NME7: variants seen among roughly 807,000 people sequenced by gnomAD.
NME7 encodes NME/NM23 family member 7.
In NME7, 41 loss-of-function variants were observed where a neutral mutation model predicts 49.1. The observed-to-expected ratio is 0.83, with a 90% CI of 0.65 to 1.08. The LOEUF is 1.08. Ranked by LOEUF, NME7 falls within the 50% of genes least tolerant of loss-of-function variation. NME7 has a pLI of 0.00. For missense variants in NME7, 423 were observed against 463.4 expected (o/e 0.91, Z 0.80); for synonymous variants, 139 against 150.6 (o/e 0.92, Z 0.56).
chr1:169,317,955 G>T (rs971109007), intron 3 of NME7, among the ~76,000 whole-genome samples: 2 of 152,154 alleles, frequency 1.3e-5, no homozygotes, highest in African/African-American at 4.8e-5. Flanking sequence ...AGACCCTCAA[G>T]TAGGGGATAG....
chr1:169,287,313 A>T lies in NME7; in HGVS notation c.744T>A (p.Ala248=), dbSNP rs1322704363. ...GTGTATTCAACATACCTTCACTGACAGCATGGGGTTTAACAATGCAACAGG... is the reference window on the plus strand; with the variant it reads ...GTGTATTCAACATACCTTCACTGACTGCATGGGGTTTAACAATGCAACAGG... ...NCTCCIVKPH[A]VSEGLLGKIL... The change falls in exon 7 of 12, where the codon GCT becomes GCA. Residue 248 remains alanine, a synonymous_variant. Transcript: ENST00000367811. The T allele has an allele frequency of 2.5e-6, 4 of 1,611,188 alleles. No homozygotes were observed. The highest frequency in any genetic ancestry group is 3.4e-6 in the Non-Finnish European group (4 of 1,178,074).
At chr1:169,257,884 GT>G (rs1649020560) in intron 7 of NME7, among the ~76,000 whole-genome samples, 1 of 133,696 alleles carries the variant, frequency 7.5e-6, no homozygotes, top group Admixed American at 7.3e-5. Context: ...GGCTTAAAAG[GT>G]TTCTGCTGAG....
At chr1:169,224,231 T>C (rs976521935) in intron 10 of NME7, among the ~76,000 whole-genome samples, 5 of 152,148 alleles carry the variant, frequency 3.3e-5, no homozygotes, top group African/African-American at 1.2e-4. Flanking sequence ...CAAGTGTGAA[T>C]GCTCTCTTCA....
At chr1:169,181,010 C>T (rs1361101037) in intron 10 of NME7, among the ~76,000 whole-genome samples, 1 of 152,056 alleles carries the variant, frequency 6.6e-6, no homozygotes, top group Non-Finnish European at 1.5e-5. Flanking sequence ...AGGGCTGAGC[C>T]AAGACTAATA....
chr1:169,337,419 G>T (rs1571400745), intron 1 of NME7, among the ~76,000 whole-genome samples: 1 of 152,176 alleles, frequency 6.6e-6, no homozygotes, highest in Non-Finnish European at 1.5e-5. Flanking sequence ...CAGCTGGCCC[G>T]CAAGCGCCGC....
At position 169,238,018 on chromosome 1, in the gene NME7, C is replaced by T. The variant is rs116051540; in HGVS notation, c.755-331G>A. ...CAATTATAAATGGCATTATTTAATA[C>T]AAAGAAACGAAATGCCAAAGTACCA... On this transcript the variant is annotated intron_variant, in intron 7 of 11. Coordinates refer to ENST00000367811, the MANE Select transcript of NME7 (RefSeq NM_013330.5). 3.9e-3 allele frequency among the ~76,000 whole-genome samples: 596 copies of T among 151,902 alleles called. 7 individuals are homozygous for T. Among genetic ancestry groups the T allele is most frequent in the Middle Eastern group, 0.017 (5 of 294 alleles).
intron 11 of NME7, among the ~76,000 whole-genome samples, chr1:169,141,709 TAG>T (rs1355260717): frequency 6.6e-6 from 1 of 152,082 alleles, no homozygotes; most frequent in Non-Finnish European, 1.5e-5. Flanking sequence ...ACAAAAATAA[TAG>T]AGTTAGAAAA....
intron 5 of NME7, among the ~76,000 whole-genome samples, chr1:169,302,747 AC>A (rs1558030750): frequency 6.6e-6 from 1 of 152,026 alleles, no homozygotes; most frequent in Non-Finnish European, 1.5e-5. Flanking sequence ...CTGCACATGT[AC>A]CCCCTGAATC....
chr1:169,185,655 A>C (rs1660044220), intron 10 of NME7, among the ~76,000 whole-genome samples: 1 of 152,174 alleles, frequency 6.6e-6, no homozygotes, highest in South Asian at 2.1e-4. Context: ...CTGTGCTACA[A>C]AGGGTATTTT....
intron 7 of NME7, among the ~76,000 whole-genome samples, chr1:169,241,332 G>A (rs958554773): frequency 5.3e-5 from 8 of 152,016 alleles, no homozygotes; most frequent in Admixed American, 1.3e-4. Context: ...CTAAGGCAGT[G>A]GCAGTTTTGT....
chr1:169,234,835 T>C (rs1345232521), intron 9 of NME7, among the ~76,000 whole-genome samples: 2 of 152,154 alleles, frequency 1.3e-5, no homozygotes, highest in African/African-American at 4.8e-5. Context: ...AATAACTGAC[T>C]GGTTAACATC....
rs758716057 is a variant in NME7 at position 169,323,278 on chromosome 1, A to T, written c.117T>A (p.Asp39Glu). Residue 39 changes from aspartate (D) to glutamate (E), a missense_variant, in exon 3 of 12, where the codon GAT (aspartate) becomes GAA (glutamate). Coordinates refer to ENST00000367811, the MANE Select transcript of NME7 (RefSeq NM_013330.5). ...TTAAAAAGGTGCGATGATTCTTTAC[A>T]TCATGCTAGAACCAGACACAACAAT... ...YPGDGSVEMH[D>E]VKNHRTFLKR... 3 of 1,594,898 alleles carry T rather than the reference A, an allele frequency of 1.9e-6. No homozygotes were observed. The highest frequency in any genetic ancestry group is 2.6e-6 in the Non-Finnish European group (3 of 1,172,208).
In NME7 at chr1:169,303,201, A is replaced by C; in HGVS notation, c.390-6T>G. 6.9e-7 allele frequency: 1 copy of C among 1,443,512 alleles called. No homozygotes were observed. Among genetic ancestry groups the C allele is most frequent in the Non-Finnish European group, 9.5e-7 (1 of 1,050,486 alleles). 89.4% of individuals were successfully genotyped at this position (1,443,512 alleles called of 1,614,324 possible). Reference sequence around the variant, plus strand: ...GAAAATCCAATGCTTCTTTCCTATAAAATAATCAAAAAGGCAATAGTTAAG... The same window carrying C: ...GAAAATCCAATGCTTCTTTCCTATACAATAATCAAAAAGGCAATAGTTAAG... On this transcript the variant is annotated splice_polypyrimidine_tract_variant and splice_region_variant and intron_variant, in intron 4 of 11. Coordinates refer to ENST00000367811, the MANE Select transcript of NME7 (RefSeq NM_013330.5).
In NME7 at chr1:169,230,836, A is replaced by G. The variant is rs771270280; in HGVS notation, c.889-17T>C. ...CACCATGTCCTATGATATGTAATAT[A>G]AAAGAATGAAAAGAATTTAACAATT... On this transcript the variant is annotated splice_polypyrimidine_tract_variant and intron_variant, in intron 9 of 11. Transcript: ENST00000367811. The G allele has an allele frequency of 1.4e-6, 2 of 1,469,428 alleles. No individual in the cohort carries two copies. Among genetic ancestry groups the G allele is most frequent in the Admixed American group, 2.1e-5 (1 of 47,118 alleles). 91.0% of individuals were successfully genotyped at this position (1,469,428 alleles called of 1,614,324 possible).
At chr1:169,232,776 CA>C (rs1647687472) in intron 9 of NME7, among the ~76,000 whole-genome samples, 1 of 151,588 alleles carries the variant, frequency 6.6e-6, no homozygotes, top group Non-Finnish European at 1.5e-5. Context: ...GTTCTTTAGG[CA>C]GAAGGAAAAA....
chr1:169,179,392 C>G lies in NME7; in HGVS notation c.991-9838G>C, dbSNP rs570855700. Among the ~76,000 whole-genome samples, 310 of 152,280 alleles carry G rather than the reference C, an allele frequency of 2.0e-3. 1 individual carries two copies. The highest frequency in any genetic ancestry group is 3.2e-3 in the Non-Finnish European group (219 of 68,020). ...AAATTAGTTCAACCATTGTGGAAGA[C>G]AGTGTGGTGATTCCTCAAAGACCTA... is the stretch of plus-strand genomic sequence containing the variant. On this transcript the variant is annotated intron_variant, in intron 10 of 11. Transcript: ENST00000367811.
In NME7 at chr1:169,132,749, A is replaced by T. The variant is rs375795890; in HGVS notation, c.*36T>A. On this transcript the variant is annotated 3_prime_UTR_variant, in exon 12 of 12. Coordinates refer to ENST00000367811, the MANE Select transcript of NME7 (RefSeq NM_013330.5). The stretch of plus-strand genomic sequence containing the variant: ...TCGTGTGTGATTCACTCTTGTCTAA[A>T]TGTCCCAACCTGTGACTTCTTTACT... 4.4e-6 allele frequency: 7 copies of T among 1,600,888 alleles called. No homozygotes were observed. In the African/African-American group the frequency reaches 9.4e-5, roughly 21 times the overall value.
intron 7 of NME7, among the ~76,000 whole-genome samples, chr1:169,268,064 C>T (rs564761880): frequency 7.5e-6 from 1 of 133,276 alleles, no homozygotes; most frequent in East Asian, 2.0e-4. Flanking sequence ...CATCCAGAAT[C>T]TATGAGGAAC....
chr1:169,257,385 C>T lies in NME7; in HGVS notation c.755-19698G>A, dbSNP rs963642399. On this transcript the variant is annotated intron_variant, in intron 7 of 11. Coordinates refer to ENST00000367811, the MANE Select transcript of NME7 (RefSeq NM_013330.5). ...AGAAAGGGAACTCCCTGACCCCTTG[C>T]GCTTCCCAAGTGAGGCAATGCCTCG... Among the ~76,000 whole-genome samples, 5 of 134,824 alleles carry T rather than the reference C, an allele frequency of 3.7e-5. 2 individuals carry two copies. Among genetic ancestry groups the T allele is most frequent in the Non-Finnish European group, 7.0e-5 (4 of 57,280 alleles). 88.4% of individuals were successfully genotyped at this position (134,824 alleles called of 152,430 possible).
Sources: allele counts gnomAD v4.1 joint callset (sites outside exome capture counted in the v4.1 genomes callset), GRCh38; gene constraint gnomAD v4.1.1; transcripts MANE v1.5; gene names NCBI Gene and HGNC (gene_info 2026-07-23, HGNC 2026-07-21).